The following MYO10 variants were observed in gnomAD, a reference collection of about 807,000 sequenced individuals.
MYO10 encodes the protein unconventional myosin-X.
A neutral mutation model predicts 257.3 loss-of-function variants in MYO10; 133 were observed. That is an observed-to-expected ratio of 0.52 (90% CI 0.45 to 0.60). The LOEUF (loss-of-function observed/expected upper bound fraction) is 0.60. Among genes scored for constraint, MYO10 ranks in the 20% least tolerant of loss-of-function variants. The pLI, the probability that MYO10 is intolerant of heterozygous loss-of-function variation, is 0.00. For synonymous variants in MYO10, 1,104 were observed against 1,028.6 expected, an observed-to-expected ratio of 1.07 and a Z score of -1.40; for missense variants, 2,399 against 2,635.7, an observed-to-expected ratio of 0.91 and a Z score of 1.97.
chr5:16,760,145 A>C (rs1740661436), intron 17 of MYO10, among the ~76,000 whole-genome samples: 1 of 151,864 alleles, frequency 6.6e-6, no homozygotes, highest in Non-Finnish European at 1.5e-5. Context: ...CTCTCTTACA[A>C]AGCCTCCTAA....
intron 3 of MYO10, among the ~76,000 whole-genome samples, chr5:16,795,580 G>A (rs553235733): frequency 1.3e-5 from 2 of 152,322 alleles, no homozygotes; most frequent in African/African-American, 4.8e-5. Flanking sequence ...CAGCCTGGGC[G>A]ACAGAGTGAG....
At chr5:16,803,269 C>T (rs1331029976) in intron 3 of MYO10, among the ~76,000 whole-genome samples, 1 of 151,436 alleles carries the variant, frequency 6.6e-6, no homozygotes, top group East Asian at 2.0e-4. Flanking sequence ...ACAAAAAATA[C>T]ATTAAAAAGT....
In MYO10 at chr5:16,694,659, G is replaced by A. The variant is rs59033099; in HGVS notation, c.3557-45C>T. On this transcript the variant is annotated intron_variant, in intron 26 of 40. Coordinates refer to ENST00000513610, the MANE Select transcript of MYO10 (RefSeq NM_012334.3). ...GTAGAGAGGGGTGAAAGAAAAGTCA[G>A]TCAAGTTGGATGACAACAACATGCA... 53 of 1,605,852 alleles carry A rather than the reference G, an allele frequency of 3.3e-5. 1 individual carries two copies. The African/African-American group carries it at 6.9e-4, about 21-fold the overall frequency.
chr5:16,782,921 G>A (rs112404616), intron 5 of MYO10, among the ~76,000 whole-genome samples: 2 of 152,148 alleles, frequency 1.3e-5, no homozygotes, highest in Non-Finnish European at 2.9e-5. Flanking sequence ...TCGTCTCCAC[G>A]CTAAGCCCCC....
intron 2 of MYO10, among the ~76,000 whole-genome samples, chr5:16,823,261 G>A (rs1174985155): frequency 2.7e-5 from 4 of 149,636 alleles, no homozygotes; most frequent in East Asian, 2.1e-4. Context: ...CCTGGCCAAC[G>A]TGGTGAAATC....
chr5:16,905,237 A>G (rs1258884127), intron 1 of MYO10, among the ~76,000 whole-genome samples: 2 of 152,108 alleles, frequency 1.3e-5, no homozygotes, highest in Non-Finnish European at 2.9e-5. Flanking sequence ...CACCTCCAAG[A>G]ATGGACTCGG....
intron 1 of MYO10, among the ~76,000 whole-genome samples, chr5:16,900,043 A>G (rs1745334575): frequency 2.6e-5 from 4 of 151,372 alleles, no homozygotes; most frequent in African/African-American, 9.7e-5. Flanking sequence ...CAGCTCTGGG[A>G]AACTTAGTAT....
chr5:16,822,477 C>T (rs183653514), intron 2 of MYO10, among the ~76,000 whole-genome samples: 179 of 151,950 alleles, frequency 1.2e-3, no homozygotes, highest in Admixed American at 3.3e-3. Context: ...GTCTATGAAA[C>T]GTAATGAAGG....
At chr5:16,725,831 A>G (rs572833940) in intron 19 of MYO10, among the ~76,000 whole-genome samples, 39 of 145,034 alleles carry the variant, frequency 2.7e-4, no homozygotes, top group African/African-American at 1.0e-3. Flanking sequence ...TCTGTCACCC[A>G]TGCTGGAGTG....
intron 11 of MYO10, 42 bp from the exon 12 acceptor site, chr5:16,764,438 A>G: frequency 1.2e-6 from 2 of 1,607,678 alleles, no homozygotes; most frequent in Non-Finnish European, 1.7e-6. Flanking sequence ...GACCCCGGGC[A>G]CCCCAGACAG....
chr5:16,886,097 C>T (rs1744889935), intron 1 of MYO10, among the ~76,000 whole-genome samples: 1 of 152,178 alleles, frequency 6.6e-6, no homozygotes, highest in South Asian at 2.1e-4. Flanking sequence ...TCCAATTCTA[C>T]AGAGGAAAGC....
At chr5:16,689,201 A>C (rs753700046) in intron 28 of MYO10, among the ~76,000 whole-genome samples, 5 of 152,234 alleles carry the variant, frequency 3.3e-5, no homozygotes, top group Non-Finnish European at 5.9e-5. Flanking sequence ...TGCAGGATCC[A>C]AGAGAATCAA....
intron 2 of MYO10, among the ~76,000 whole-genome samples, chr5:16,847,217 G>T (rs1331133370): frequency 6.6e-6 from 1 of 151,986 alleles, no homozygotes; most frequent in African/African-American, 2.4e-5. Flanking sequence ...AGATCACGAG[G>T]TTAGCAGACC....
intron 21 of MYO10, among the ~76,000 whole-genome samples, chr5:16,706,250 C>CTCATAT (rs1311260972): frequency 1.3e-5 from 2 of 150,522 alleles, no homozygotes; most frequent in African/African-American, 5.0e-5. Flanking sequence ...CATATATATA[C>CTCATAT]ACATATACTC....
chr5:16,857,611 G>A (rs1018709231), intron 2 of MYO10, among the ~76,000 whole-genome samples: 6 of 152,194 alleles, frequency 3.9e-5, no homozygotes, highest in African/African-American at 1.4e-4. Context: ...GAATTCAGTG[G>A]TTTCACAGGT....
intron 1 of MYO10, among the ~76,000 whole-genome samples, chr5:16,931,810 T>C (rs1163942104): frequency 6.6e-6 from 1 of 152,154 alleles, no homozygotes; most frequent in Admixed American, 6.5e-5. Flanking sequence ...CCTCAGCAGT[T>C]CCCCTTTACA....
At chr5:16,903,983 G>GT (rs2126786794) in intron 1 of MYO10, among the ~76,000 whole-genome samples, 1 of 152,320 alleles carries the variant, frequency 6.6e-6, no homozygotes, top group East Asian at 1.9e-4. Flanking sequence ...TCTTCAAAGT[G>GT]TAAGTGTCTT....
intron 17 of MYO10, among the ~76,000 whole-genome samples, chr5:16,760,669 G>C (rs1429876234): frequency 6.6e-6 from 1 of 152,068 alleles, no homozygotes; most frequent in Non-Finnish European, 1.5e-5. Flanking sequence ...AGACACAGGA[G>C]TCCTATAAAA....
At chr5:16,735,296 T>A (rs780316355) in intron 19 of MYO10, among the ~76,000 whole-genome samples, 1 of 152,178 alleles carries the variant, frequency 6.6e-6, no homozygotes, top group Non-Finnish European at 1.5e-5. Context: ...CCCAGGTTAA[T>A]GAATTGCTAT....
Sources: gnomAD v4.1 joint callset for allele counts (sites outside exome capture counted in the v4.1 genomes callset) on GRCh38, gnomAD v4.1.1 for gene constraint, MANE v1.5 for transcripts, NCBI Gene and HGNC (gene_info 2026-07-23, HGNC 2026-07-21) for gene names.